The following DNAH11 variants were observed in gnomAD, a reference collection of about 807,000 sequenced individuals.
The protein encoded by DNAH11 is dynein axonemal heavy chain 11.
A neutral mutation model predicts 526.0 loss-of-function variants in DNAH11; 442 were observed. The ratio of observed to expected loss-of-function variants is 0.84; its 90% confidence interval spans 0.78 to 0.91. The LOEUF (loss-of-function observed/expected upper bound fraction) is 0.91, where lower values mean the gene tolerates loss of function less well. DNAH11 is among the 40% of genes least tolerant of loss of function. The pLI, the probability that DNAH11 is intolerant of heterozygous loss-of-function variation, is 0.00. For synonymous variants in DNAH11, 2,461 were observed against 1,935.9 expected (o/e 1.27, Z -7.12); for missense variants, 6,989 against 5,448.7 (o/e 1.28, Z -8.90).
At chr7:21,646,312 T>A (rs970183959) in intron 28 of DNAH11, among the ~76,000 whole-genome samples, 1 of 152,110 alleles carries the variant, frequency 6.6e-6, no homozygotes, top group Non-Finnish European at 1.5e-5. Flanking sequence ...ACAAAATATA[T>A]GAAAAACAGC....
rs199988359 is a variant in DNAH11, at chr7:21,892,541, C to A, written c.12624C>A (p.Gly4208=). Residue 4208 remains glycine, a synonymous_variant, in exon 77 of 82, where the codon GGC becomes GGA. Transcript: ENST00000409508. The part of the protein sequence containing the change: ...MLPPESPALY[G]LHPNAEIEFL... Reference sequence around the variant, plus strand: ...CTCCAGAAAGCCCGGCACTGTATGGCCTCCACCCAAATGCTGAAATAGAAT... The same window carrying A: ...CTCCAGAAAGCCCGGCACTGTATGGACTCCACCCAAATGCTGAAATAGAAT... The A allele has an allele frequency of 1.4e-5, 23 of 1,613,880 alleles. No homozygotes were observed. Among genetic ancestry groups the A allele is most frequent in the Admixed American group, 1.7e-5 (1 of 60,006 alleles).
At chr7:21,764,133 T>A (rs1787059942) in intron 54 of DNAH11, among the ~76,000 whole-genome samples, 2 of 152,144 alleles carry the variant, frequency 1.3e-5, no homozygotes, top group Admixed American at 1.3e-4. Context: ...GGACTTACAG[T>A]TAACAATCCT....
intron 76 of DNAH11, among the ~76,000 whole-genome samples, chr7:21,888,201 T>C (rs1234333166): frequency 6.6e-6 from 1 of 152,152 alleles, no homozygotes; most frequent in Non-Finnish European, 1.5e-5. Flanking sequence ...TAATTCAATC[T>C]TGAGTAATGT....
chr7:21,562,730 A>G lies in DNAH11; in HGVS notation c.983-1456A>G, dbSNP rs201367116. On this transcript the variant is annotated intron_variant, in intron 5 of 81. Coordinates refer to ENST00000409508, the MANE Select transcript of DNAH11 (RefSeq NM_001277115.2). ...ACTTACCTACTAGATACGATTATAT[A>G]ATTTTGACATAAACATTGATAAAAA... Among the ~76,000 whole-genome samples the G allele has an allele frequency of 2.0e-5, 3 of 152,160 alleles. No homozygotes were observed. The East Asian group carries it at 5.8e-4, about 29-fold the overall frequency.
intron 70 of DNAH11, among the ~76,000 whole-genome samples, chr7:21,865,946 G>A (rs117799962): frequency 2.5e-3 from 378 of 152,306 alleles, no homozygotes; most frequent in Non-Finnish European, 4.3e-3. Context: ...TGGCACTGGT[G>A]CAGTGTAGCA....
chr7:21,868,761 G>T (rs1783383197), intron 72 of DNAH11, 103 bp from the exon 73 acceptor site: 1 of 1,426,274 alleles, frequency 7.0e-7, no homozygotes. Flanking sequence ...TCACTCAGAA[G>T]ATGGCTGCGG....
At chr7:21,556,946 G>A (rs113704745) in intron 2 of DNAH11, among the ~76,000 whole-genome samples, 6,786 of 151,832 alleles carry the variant, frequency 0.045, 513 homozygotes, top group African/African-American at 0.15. Context: ...TTGTAATCCT[G>A]GCTACTCGGG....
intron 7 of DNAH11, 124 bp from the exon 8 acceptor site, chr7:21,571,677 ATTTAT>A: frequency 3.0e-6 from 2 of 664,162 alleles, no homozygotes; most frequent in Non-Finnish European, 2.3e-6. Flanking sequence ...TCATGAAAAT[ATTTAT>A]TTTCTGTCAT....
chr7:21,749,482 G>A (rs907062600), intron 52 of DNAH11, among the ~76,000 whole-genome samples, 196 bp from the exon 53 acceptor site: 1 of 152,112 alleles, frequency 6.6e-6, no homozygotes. Context: ...TCAACCTTAC[G>A]AGTCAGCAAT....
At chr7:21,803,137 A>G (rs868632706) in intron 62 of DNAH11, among the ~76,000 whole-genome samples, 1 of 152,180 alleles carries the variant, frequency 6.6e-6, no homozygotes, top group Admixed American at 6.5e-5. Context: ...GTATAATTGC[A>G]TTATTAGAAA....
At position 21,748,626 on chromosome 7, in the gene DNAH11, T is replaced by C. The variant is rs1339367329; in HGVS notation, c.8557T>C (p.Leu2853=). 2 of 1,612,392 alleles carry C rather than the reference T, an allele frequency of 1.2e-6. No individual in the cohort carries two copies. The highest frequency in any genetic ancestry group is 2.2e-5 in the South Asian group (2 of 90,746). Residue 2853 remains leucine, a synonymous_variant, in exon 52 of 82, where the codon TTG becomes CTG. Coordinates refer to ENST00000409508, the MANE Select transcript of DNAH11 (RefSeq NM_001277115.2). ...ACGAACCCCTCAGGGCTGTGCTCTC[T>C]TGGTTGGAGTTGGGGGCAGTGGCAA... ...ILRTPQGCAL[L]VGVGGSGKQS...
In DNAH11 at chr7:21,720,838, C is replaced by T; in HGVS notation, c.7248C>T (p.Gly2416=). ...TTGCTTGTATCTGGGCTTTTGGAGG[C>T]ACCCTGCTACAAGATCAGGTATGTT... The part of the protein sequence containing the change: ...FVFACIWAFG[G]TLLQDQISDY... Residue 2416 remains glycine, a synonymous_variant, in exon 44 of 82, where the codon GGC becomes GGT. Transcript: ENST00000409508. 6.2e-7 allele frequency: 1 copy of T among 1,612,818 alleles called. No homozygotes were observed. The highest frequency in any genetic ancestry group is 8.5e-7 in the Non-Finnish European group (1 of 1,179,356).
chr7:21,897,321 A>G (rs1784551999), intron 79 of DNAH11, among the ~76,000 whole-genome samples: 1 of 152,016 alleles, frequency 6.6e-6, no homozygotes, highest in Non-Finnish European at 1.5e-5. Context: ...TCTTATGTCT[A>G]TACCTGAATG....
At chr7:21,660,556 T>C (rs1200608802) in intron 30 of DNAH11, among the ~76,000 whole-genome samples, 1 of 151,876 alleles carries the variant, frequency 6.6e-6, no homozygotes, top group African/African-American at 2.4e-5. Context: ...ATAAAGAAAA[T>C]ACAGTCACAG....
At chr7:21,632,088 A>G (rs6971009) in intron 25 of DNAH11, among the ~76,000 whole-genome samples, 10,127 of 152,258 alleles carry the variant, frequency 0.067, 475 homozygotes, top group Non-Finnish European at 0.11. Flanking sequence ...GAAGCTGCCA[A>G]TGCTTGAGGT....
intron 44 of DNAH11, among the ~76,000 whole-genome samples, chr7:21,724,945 A>G (rs1037706815): frequency 8.1e-5 from 12 of 148,652 alleles, no homozygotes; most frequent in Admixed American, 2.7e-4. Flanking sequence ...GGACATGGGC[A>G]TCACTGGGAC....
At chr7:21,759,439 T>G (rs983077757) in intron 54 of DNAH11, among the ~76,000 whole-genome samples, 2 of 152,072 alleles carry the variant, frequency 1.3e-5, no homozygotes, top group Non-Finnish European at 2.9e-5. Flanking sequence ...TGAAAGGTAA[T>G]TAGATGGGGT....
chr7:21,628,134 C>T (rs1442256891), intron 25 of DNAH11, among the ~76,000 whole-genome samples: 1 of 151,544 alleles, frequency 6.6e-6, no homozygotes, highest in East Asian at 1.9e-4. Flanking sequence ...TGTATGTCTA[C>T]TTTGTATTCT....
intron 45 of DNAH11, among the ~76,000 whole-genome samples, chr7:21,727,463 A>G (rs892222912): frequency 6.6e-6 from 1 of 152,182 alleles, no homozygotes; most frequent in Non-Finnish European, 1.5e-5. Flanking sequence ...AATCTCGTCT[A>G]TTCACGTTTC....
Sources: allele counts gnomAD v4.1 joint callset (sites outside exome capture counted in the v4.1 genomes callset), GRCh38; gene constraint gnomAD v4.1.1; transcripts MANE v1.5; gene names NCBI Gene and HGNC (gene_info 2026-07-23, HGNC 2026-07-21).